Variants in DPEP3 observed in about 807,000 individuals in gnomAD.
DPEP3 encodes dipeptidase 3, also known as membrane-bound dipeptidase 3.
DPEP3 carries 42 observed loss-of-function variants against 47.5 expected under a neutral mutation model. That is an observed-to-expected ratio of 0.88 (90% confidence interval 0.69 to 1.14). DPEP3 has a LOEUF of 1.14. Among genes scored for constraint, DPEP3 ranks in the 50% most tolerant of loss-of-function variants. The probability of loss-of-function intolerance (pLI) is 0.00; values close to 1 mark genes in which losing one functional copy is unlikely to be tolerated. For synonymous variants in DPEP3, 276 were observed against 270.2 expected (o/e 1.02, Z -0.21); for missense variants, 560 against 635.0 (o/e 0.88, Z 1.27).
At chr16:67,977,878 AG>A in intron 5 of DPEP3, 49 bp from the exon 6 acceptor site, 1 of 1,613,868 alleles carries the variant, frequency 6.2e-7, no homozygotes, top group Non-Finnish European at 8.5e-7. Context: ...TGGGGTGCAA[AG>A]GTGTACACAC....
In DPEP3 at chr16:67,980,065, C is replaced by T. The variant is rs144224416; in HGVS notation, c.287+29G>A. On this transcript the variant is annotated intron_variant, in intron 1 of 9. Transcript: ENST00000268793. ...CTCCTGCCCAAGGGTGTGCTCACCC[C>T]GCGTTGCCCAAACGCTGCACCTACA... 35 of 1,586,188 alleles carry T rather than the reference C, an allele frequency of 2.2e-5. No homozygotes were observed. In the African/African-American group the frequency reaches 3.8e-4, roughly 17 times the overall value.
At chr16:67,976,604 G>T in intron 8 of DPEP3, 96 bp downstream of exon 8, 1 of 1,185,024 alleles carries the variant, frequency 8.4e-7, no homozygotes, top group Non-Finnish European at 1.2e-6. Context: ...AGAGCCTGTG[G>T]CTGAGGCCTG....
chr16:67,976,208 T>G lies in DPEP3; in HGVS notation c.1115A>C (p.Asp372Ala), dbSNP rs760642181. Residue 372 changes from aspartate to alanine, a missense_variant, in exon 9 of 10, where the codon GAT (aspartate) becomes GCT (alanine). Physicochemically the swap from Asp to Ala is moderately radical, Grantham distance 126 (BLOSUM62 -2). Transcript: ENST00000268793. Reference sequence around the variant, plus strand: ...TATCAGGACTGGGTATGTGGACACATCCTCCAGCCCCTGAGGGAACCTGTG... The same window carrying G: ...TATCAGGACTGGGTATGTGGACACAGCCTCCAGCCCCTGAGGGAACCTGTG... ...GTGRFPQGLE[D>A]VSTYPVLIEE... 1.9e-6 allele frequency: 3 copies of G among 1,614,162 alleles called. No homozygotes were observed. The highest frequency in any genetic ancestry group is 2.5e-6 in the Non-Finnish European group (3 of 1,180,026).
chr16:67,980,325 C>G lies in DPEP3; in HGVS notation c.56G>C (p.Arg19Pro). The change falls in exon 1 of 10, where the codon CGT becomes CCT. Residue 19 changes from arginine (R) to proline (P), a missense_variant. Physicochemically the swap from Arg to Pro is moderately radical, Grantham distance 103. Coordinates refer to ENST00000268793, the MANE Select transcript of DPEP3 (RefSeq NM_001370198.1). ...CAGCAGCAGTAGCAGGAGCAGCAGA[C>G]GCCGCAGATACCGCCGGCTGAGCGC... ...SRALSRRYLR[R>P]LLLLLLLLLL... The G allele has an allele frequency of 6.4e-7, 1 of 1,556,934 alleles. No homozygotes were observed. The highest frequency in any genetic ancestry group is 8.7e-7 in the Non-Finnish European group (1 of 1,151,994).
chr16:67,975,882 C>T lies in DPEP3; in HGVS notation c.1350G>A (p.Glu450=). Reference sequence around the variant, plus strand: ...CCCGATTGGTTGGCTGCTTGGTCACCTCCAGATGAGTAGCCTGGTGTCCAT... The same window carrying T: ...CCCGATTGGTTGGCTGCTTGGTCACTTCCAGATGAGTAGCCTGGTGTCCAT... ...PQNGHQATHL[E]VTKQPTNRVP... is the part of the protein sequence containing the mutation. The change falls in exon 10 of 10, where the codon GAG becomes GAA. Residue 450 remains glutamate (E), a synonymous_variant. Coordinates refer to ENST00000268793, the MANE Select transcript of DPEP3 (RefSeq NM_001370198.1). 1 of 1,613,870 alleles carries T rather than the reference C, an allele frequency of 6.2e-7. No homozygotes were observed. The highest frequency in any genetic ancestry group is 8.5e-7 in the Non-Finnish European group (1 of 1,179,832).
chr16:67,978,228 A>G lies in DPEP3; in HGVS notation c.686+39T>C, dbSNP rs765242592. 2 of 1,613,110 alleles carry G rather than the reference A, an allele frequency of 1.2e-6. No homozygotes were observed. The highest frequency in any genetic ancestry group is 1.7e-6 in the Non-Finnish European group (2 of 1,179,414). Reference sequence around the variant, plus strand: ...ATGCCAGGAATGGGGCAGTTTCCACACCATGCCATCTAGCATCCTGGCCAG... The same window carrying G: ...ATGCCAGGAATGGGGCAGTTTCCACGCCATGCCATCTAGCATCCTGGCCAG... On this transcript the variant is annotated intron_variant, in intron 4 of 9. Transcript: ENST00000268793. This position sits in a 1 kb window ranked among gnomAD's most constrained non-coding sequence, Gnocchi z 4.4.
chr16:67,977,846 G>A lies in DPEP3; in HGVS notation c.757-17C>T, dbSNP rs200562605. 1.2e-6 allele frequency: 2 copies of A among 1,613,674 alleles called. No homozygotes were observed. The highest frequency in any genetic ancestry group is 1.7e-6 in the Non-Finnish European group (2 of 1,179,686). ...TACTACTTTCTGCAGAAACAATTAGGTTTTTTTGTGGGGGAGGGTGTTGGG... is the reference window on the plus strand; with the variant it reads ...TACTACTTTCTGCAGAAACAATTAGATTTTTTTGTGGGGGAGGGTGTTGGG... On this transcript the variant is annotated splice_polypyrimidine_tract_variant and intron_variant, in intron 5 of 9. Transcript: ENST00000268793.
rs1456389727 is a variant in DPEP3, at chr16:67,978,336, G to A, written c.617C>T (p.Ser206Phe). Residue 206 changes from serine (S) to phenylalanine (F), a missense_variant, in exon 4 of 10, where the codon TCT (serine) becomes TTT (phenylalanine). Ser to Phe is a radical substitution (Grantham distance 155, BLOSUM62 -2). Transcript: ENST00000268793. The surrounding 1 kb of genome is among the most constrained non-coding windows in gnomAD (Gnocchi z 4.4). ...CAGCACATAGAAACTGCGCAGCACA[G>A]AGAGGCTGCTGTCCAGTGAGTGACC... ...EGGHSLDSSLSVLRSFYVLGV... is the reference protein window; with the variant it reads ...EGGHSLDSSLFVLRSFYVLGV... The A allele has an allele frequency of 3.1e-6, 5 of 1,614,132 alleles. No homozygotes were observed. Among genetic ancestry groups the A allele is most frequent in the African/African-American group, 1.3e-5 (1 of 75,056 alleles).
chr16:67,977,009 C>A lies in DPEP3; in HGVS notation c.1019-234G>T, dbSNP rs182347063. On this transcript the variant is annotated intron_variant, in intron 7 of 9. Transcript: ENST00000268793. ...CTCTGGGTTCCTTGAGAGCCTGGTG[C>A]AGGCTGAGCCTGTCCTGCCCAGAGA... is the stretch of plus-strand genomic sequence containing the variant. Among the ~76,000 whole-genome samples, 132 of 152,284 alleles carry A rather than the reference C, an allele frequency of 8.7e-4. No homozygotes were observed. In the Middle Eastern group the frequency reaches 0.01, roughly 12 times the overall value.
At chr16:67,976,568 G>T in intron 8 of DPEP3, 132 bp downstream of exon 8, 1 of 821,774 alleles carries the variant, frequency 1.2e-6, no homozygotes, top group Non-Finnish European at 1.9e-6. Context: ...CCTGAGAGTG[G>T]GGAGTGTCAG....
chr16:67,977,905 AG>A, intron 5 of DPEP3, 32 bp downstream of exon 5: 1 of 1,613,966 alleles, frequency 6.2e-7, no homozygotes, highest in East Asian at 2.2e-5. Context: ...CGTAGGCAGC[AG>A]GTGGGTTGGG....
At position 67,978,774 on chromosome 16, in the gene DPEP3, T is replaced by A; in HGVS notation, c.415-148A>T. The A allele has an allele frequency of 1.2e-6, 1 of 862,336 alleles. No homozygotes were observed. Among genetic ancestry groups the A allele is most frequent in the Non-Finnish European group, 1.7e-6 (1 of 581,958 alleles). 53.4% of individuals were successfully genotyped at this position (862,336 alleles called of 1,614,324 possible). Reference sequence around the variant, plus strand: ...TGACTCCATGGTACCTTGATGACTTTTTTTAAAATTATTTTTTATTTTTAT... The same window carrying A: ...TGACTCCATGGTACCTTGATGACTTATTTTAAAATTATTTTTTATTTTTAT... On this transcript the variant is annotated intron_variant, in intron 2 of 9. Transcript: ENST00000268793. This position sits in a 1 kb window ranked among gnomAD's most constrained non-coding sequence, Gnocchi z 4.4.
rs147119305 is a variant in DPEP3 at position 67,977,774 on chromosome 16, G to C, written c.812C>G (p.Ser271Trp). 3.1e-5 allele frequency: 50 copies of C among 1,613,720 alleles called. No homozygotes were observed. In the Middle Eastern group the frequency reaches 4.9e-4, roughly 16 times the overall value. ...CAGGACCCTTCTTATCAAGGTGTCC[G>C]ATGCATAGGACAAATCTATCATCAT... ...LGMMIDLSYA[S>W]DTLIRRVLEV... The change falls in exon 6 of 10, where the codon TCG (serine) becomes TGG (tryptophan). Residue 271 changes from serine to tryptophan, a missense_variant. Ser to Trp is a radical substitution (Grantham distance 177, BLOSUM62 -3). Transcript: ENST00000268793.
intron 1 of DPEP3, 40 bp downstream of exon 1, chr16:67,980,054 T>G: frequency 6.4e-7 from 1 of 1,572,612 alleles, no homozygotes; most frequent in Non-Finnish European, 8.6e-7. Flanking sequence ...TGCCCAAGGG[T>G]GTGCTCACCC....
intron 8 of DPEP3, 112 bp downstream of exon 8, chr16:67,976,588 G>A: frequency 4.0e-6 from 4 of 1,011,976 alleles, no homozygotes; most frequent in Non-Finnish European, 4.5e-6. Flanking sequence ...GGTGGGATAG[G>A]AGACCAGAGC....
chr16:67,980,177 G>T lies in DPEP3; in HGVS notation c.204C>A (p.Gly68=). Residue 68 remains glycine, a synonymous_variant, in exon 1 of 10, where the codon GGC becomes GGA. Transcript: ENST00000268793. ...TTTTGGGGGTGCCTGGCGTAGTGAG[G>T]CCTGGGGTAGTGAGGGCGCTGGGGA... is the stretch of plus-strand genomic sequence containing the variant. ...PGVPSALTTP[G]LTTPGTPKTL... 3.7e-6 allele frequency: 6 copies of T among 1,611,790 alleles called. No individual in the cohort carries two copies. Among genetic ancestry groups the T allele is most frequent in the Non-Finnish European group, 5.1e-6 (6 of 1,178,972 alleles).
Position 67,976,198 on chromosome 16 carries a change from T to G in DPEP3, c.1125A>C (p.Thr375=), listed in dbSNP as rs764193590. ...RFPQGLEDVS[T]YPVLIEELLS... ...GCAACTCCTCTATCAGGACTGGGTA[T>G]GTGGACACATCCTCCAGCCCCTGAG... The change falls in exon 9 of 10, where the codon ACA becomes ACC. Residue 375 remains threonine (T), a synonymous_variant. Coordinates refer to ENST00000268793, the MANE Select transcript of DPEP3 (RefSeq NM_001370198.1). The G allele has an allele frequency of 2.5e-5, 40 of 1,614,084 alleles. No homozygotes were observed. The African/African-American group carries it at 3.9e-4, about 16-fold the overall frequency.
At chr16:67,976,627 T>C in intron 8 of DPEP3, 73 bp downstream of exon 8, 1 of 1,438,230 alleles carries the variant, frequency 7.0e-7, no homozygotes, top group African/African-American at 1.4e-5. Flanking sequence ...TGGGAGGACG[T>C]CAGGATGGGA....
Position 67,978,250 on chromosome 16 carries a change from C to A in DPEP3, c.686+17G>T. The A allele has an allele frequency of 6.2e-7, 1 of 1,613,992 alleles. No individual in the cohort carries two copies. Among genetic ancestry groups the A allele is most frequent in the Non-Finnish European group, 8.5e-7 (1 of 1,179,928 alleles). ...CACACCATGCCATCTAGCATCCTGG[C>A]CAGGTGTTATGCTCACCATGGTGTA... On this transcript the variant is annotated intron_variant, in intron 4 of 9. Transcript: ENST00000268793. The surrounding 1 kb of genome is among the most constrained non-coding windows in gnomAD (Gnocchi z 4.4).
Sources: allele counts gnomAD v4.1 joint callset (sites outside exome capture counted in the v4.1 genomes callset), GRCh38; gene constraint gnomAD v4.1.1; non-coding constraint Gnocchi (gnomAD v3.1); transcripts MANE v1.5; gene names NCBI Gene and HGNC (gene_info 2026-07-23, HGNC 2026-07-21).